The following GRIK2 variants were observed in gnomAD, a reference collection of about 807,000 sequenced individuals.
The protein encoded by GRIK2 is glutamate ionotropic receptor kainate type subunit 2, also known as glutamate receptor ionotropic, kainate 2.
GRIK2 carries 32 observed loss-of-function variants against 100.3 expected under a neutral mutation model. The observed-to-expected ratio is 0.32, with a 90% CI of 0.24 to 0.43. The LOEUF is 0.43. Among genes scored for constraint, GRIK2 ranks in the 20% least tolerant of loss-of-function variants. The probability of loss-of-function intolerance (pLI) is 1.00; values close to 1 mark genes in which losing one functional copy is unlikely to be tolerated. For missense variants in GRIK2, 843 were observed against 1,114.9 expected, an observed-to-expected ratio of 0.76 and a Z score of 3.47; for synonymous variants, 417 against 389.4, an observed-to-expected ratio of 1.07 and a Z score of -0.83.
chr6:101,472,927 G>C (rs1363334931), intron 2 of GRIK2, among the ~76,000 whole-genome samples: 1 of 151,614 alleles, frequency 6.6e-6, no homozygotes, highest in Non-Finnish European at 1.5e-5. Context: ...AGGAAAAGAG[G>C]TTTGAAAACT....
intron 4 of GRIK2, among the ~76,000 whole-genome samples, chr6:101,627,115 C>CTG (rs748152110): frequency 3.3e-5 from 4 of 122,556 alleles, no homozygotes; most frequent in African/African-American, 1.4e-4. Flanking sequence ...GTGTGTGTGT[C>CTG]TCTGTGTGTG....
chr6:101,771,764 T>C (rs940016224), intron 7 of GRIK2, among the ~76,000 whole-genome samples: 3 of 145,046 alleles, frequency 2.1e-5, no homozygotes, highest in African/African-American at 5.2e-5. Flanking sequence ...TTCCCACCTA[T>C]GATTGAGAAC....
chr6:101,667,351 G>C (rs546369650), intron 4 of GRIK2, among the ~76,000 whole-genome samples: 1 of 152,272 alleles, frequency 6.6e-6, no homozygotes, highest in South Asian at 2.1e-4. Context: ...TCCTGTGGAA[G>C]GAAGTTAGGG....
chr6:102,002,761 C>T (rs893069940), intron 14 of GRIK2, among the ~76,000 whole-genome samples: 1 of 150,750 alleles, frequency 6.6e-6, no homozygotes, highest in African/African-American at 2.4e-5. Context: ...AAAAAACTCT[C>T]ATTACAATCC....
intron 2 of GRIK2, among the ~76,000 whole-genome samples, chr6:101,442,319 G>T (rs146011472): frequency 6.6e-6 from 1 of 152,198 alleles, no homozygotes; most frequent in Non-Finnish European, 1.5e-5. Flanking sequence ...CTGCTAACAG[G>T]CTCTTCACCT....
intron 12 of GRIK2, among the ~76,000 whole-genome samples, chr6:101,916,348 A>G (rs2791783): frequency 0.94 from 141,576 of 151,104 alleles, 66,364 homozygotes; most frequent in Middle Eastern, 0.97. Flanking sequence ...TTATGACCAA[A>G]TCTTAATTAT....
intron 14 of GRIK2, among the ~76,000 whole-genome samples, chr6:102,024,630 A>G (rs769214399): frequency 1.3e-5 from 2 of 151,366 alleles, no homozygotes; most frequent in Non-Finnish European, 3.0e-5. Flanking sequence ...TAGGAAAGAA[A>G]CAAGGATACA....
rs144197768 is a variant in GRIK2, at chr6:101,666,019, C to G, written c.542-10604C>G. On this transcript the variant is annotated intron_variant, in intron 4 of 16. Coordinates refer to ENST00000369134, the MANE Select transcript of GRIK2 (RefSeq NM_021956.5). ...TTAGGCACCCTGAAGGCCACCCTCA[C>G]TTTAACACCAGCTGAAAAGTTCAAG... Among the ~76,000 whole-genome samples, 57 of 152,252 alleles carry G rather than the reference C, an allele frequency of 3.7e-4. 1 individual carries two copies. Among genetic ancestry groups the G allele is most frequent in the African/African-American group, 1.3e-3 (55 of 41,556 alleles).
chr6:101,817,408 A>C (rs1781698555), intron 9 of GRIK2, among the ~76,000 whole-genome samples: 1 of 152,184 alleles, frequency 6.6e-6, no homozygotes, highest in Non-Finnish European at 1.5e-5. Flanking sequence ...TTTCTTTGAG[A>C]AAAATAAGTT....
rs201953705 is a variant in GRIK2 at position 101,827,491 on chromosome 6, A to AC, written c.1317+9008_1317+9009insC. ...GATTAAAAAAACAAAACAAAACAAA[A>AC]AAAAACCAATATCAGTCTTTCTGCT... On this transcript the variant is annotated intron_variant, in intron 10 of 16. Transcript: ENST00000369134. 9.0e-3 allele frequency among the ~76,000 whole-genome samples: 1,367 copies of AC among 151,712 alleles called. 9 individuals are homozygous for AC. Among genetic ancestry groups the AC allele is most frequent in the Non-Finnish European group, 9.7e-3 (660 of 67,774 alleles).
rs865870956 is a variant in GRIK2, at chr6:101,941,498, T to G, written c.2085+12866T>G. ...ACAAACTGAATTTGATATGCAATTT[T>G]TTTTTTCTTAATAGTAAAAAAAAGA... On this transcript the variant is annotated intron_variant, in intron 14 of 16. Transcript: ENST00000369134. Among the ~76,000 whole-genome samples the G allele has an allele frequency of 2.6e-5, 4 of 152,188 alleles. No homozygotes were observed. In the Middle Eastern group the frequency reaches 0.01, roughly 388 times the overall value.
intron 2 of GRIK2, among the ~76,000 whole-genome samples, chr6:101,520,188 A>G (rs1774812730): frequency 6.7e-6 from 1 of 149,552 alleles, no homozygotes; most frequent in African/African-American, 2.5e-5. Context: ...TAAATGGAAG[A>G]GAAATATTTT....
chr6:101,683,566 T>C (rs1771448152), intron 6 of GRIK2, among the ~76,000 whole-genome samples: 1 of 152,176 alleles, frequency 6.6e-6, no homozygotes, highest in Non-Finnish European at 1.5e-5. Context: ...TAATTCTTTC[T>C]TCCACATGTC....
intron 4 of GRIK2, among the ~76,000 whole-genome samples, chr6:101,643,168 C>T (rs1363845213): frequency 6.6e-6 from 1 of 151,422 alleles, no homozygotes; most frequent in Non-Finnish European, 1.5e-5. Context: ...TCTTCTATTC[C>T]ATGGGTTGCT....
At chr6:101,925,071 G>A (rs1789798625) in intron 13 of GRIK2, among the ~76,000 whole-genome samples, 1 of 152,024 alleles carries the variant, frequency 6.6e-6, no homozygotes, top group Admixed American at 6.6e-5. Context: ...ACAGTGTTAT[G>A]CTCCTGTTTC....
intron 14 of GRIK2, among the ~76,000 whole-genome samples, chr6:101,936,387 A>C (rs1790620395): frequency 6.6e-6 from 1 of 152,100 alleles, no homozygotes; most frequent in Non-Finnish European, 1.5e-5. Context: ...TATTTTGTTC[A>C]ATAAAATAAG....
rs755915034 is a variant in GRIK2 at position 101,987,777 on chromosome 6, G to A, written c.2086-47564G>A. Among the ~76,000 whole-genome samples, 190 of 151,220 alleles carry A rather than the reference G, an allele frequency of 1.3e-3. 1 individual carries two copies. The highest frequency in any genetic ancestry group is 2.1e-3 in the Non-Finnish European group (139 of 67,656). ...TTTGTAACATTTGTAATATGTGTAG[G>A]TAATCAACATAAATACAATTTCTAT... On this transcript the variant is annotated intron_variant, in intron 14 of 16. Transcript: ENST00000369134.
intron 7 of GRIK2, among the ~76,000 whole-genome samples, chr6:101,787,487 G>C (rs1160576343): frequency 1.3e-5 from 2 of 151,926 alleles, no homozygotes; most frequent in Non-Finnish European, 2.9e-5. Flanking sequence ...GGTGTGTTTT[G>C]ATGTGTTGTG....
intron 2 of GRIK2, among the ~76,000 whole-genome samples, chr6:101,401,493 T>C (rs1357032514): frequency 6.6e-6 from 1 of 152,110 alleles, no homozygotes; most frequent in Non-Finnish European, 1.5e-5. Flanking sequence ...TCCACACTAG[T>C]CCCTTGACAA....
Sources: gnomAD v4.1 joint callset for allele counts (sites outside exome capture counted in the v4.1 genomes callset) on GRCh38, gnomAD v4.1.1 for gene constraint, MANE v1.5 for transcripts, NCBI Gene and HGNC (gene_info 2026-07-23, HGNC 2026-07-21) for gene names.